The following FSTL5 variants were observed in gnomAD, a reference collection of about 807,000 sequenced individuals.
FSTL5 encodes the protein follistatin like 5, also known as follistatin-related protein 5.
FSTL5 carries 62 observed loss-of-function variants against 89.1 expected under a neutral mutation model. The ratio of observed to expected loss-of-function variants is 0.70; its 90% CI spans 0.57 to 0.86. FSTL5 has a LOEUF of 0.86. Among genes scored for constraint, FSTL5 ranks in the 40% least tolerant of loss-of-function variants. FSTL5 has a pLI of 0.00. For missense variants in FSTL5, 1,057 were observed against 1,001.6 expected (o/e 1.06, Z -0.75); for synonymous variants, 383 against 346.2 (o/e 1.11, Z -1.18).
chr4:161,748,605 CGTTT>C (rs1231401585), intron 6 of FSTL5, among the ~76,000 whole-genome samples: 11 of 105,224 alleles, frequency 1.0e-4, no homozygotes, highest in African/African-American at 4.1e-4. Context: ...AGGGGAAGCA[CGTTT>C]TTTTTTTTTT....
At chr4:161,898,608 T>C (rs1579177875) in intron 4 of FSTL5, among the ~76,000 whole-genome samples, 1 of 151,894 alleles carries the variant, frequency 6.6e-6, no homozygotes, top group East Asian at 1.9e-4. Context: ...TTCATAAATA[T>C]ATTTGGCATC....
chr4:161,829,348 A>T (rs1357199755), intron 4 of FSTL5, among the ~76,000 whole-genome samples: 1 of 151,510 alleles, frequency 6.6e-6, no homozygotes, highest in Non-Finnish European at 1.5e-5. Context: ...AAAGAAAAAA[A>T]ATGAAGTAAT....
At chr4:161,695,710 C>G (rs1295203957) in intron 6 of FSTL5, among the ~76,000 whole-genome samples, 1 of 151,888 alleles carries the variant, frequency 6.6e-6, no homozygotes, top group Non-Finnish European at 1.5e-5. Context: ...TTTCCCTGAT[C>G]ATTAGTGATG....
chr4:162,063,959 T>C (rs1738803999), intron 2 of FSTL5, among the ~76,000 whole-genome samples: 1 of 152,022 alleles, frequency 6.6e-6, no homozygotes. Context: ...CTGGTATAGA[T>C]GATTTAAAAA....
At chr4:161,485,516 C>T (rs1445168807) in intron 12 of FSTL5, among the ~76,000 whole-genome samples, 1 of 151,774 alleles carries the variant, frequency 6.6e-6, no homozygotes, top group African/African-American at 2.4e-5. Context: ...TAATATAGAA[C>T]AAAAAAGTAT....
At chr4:161,684,390 C>A (rs115835624) in intron 6 of FSTL5, among the ~76,000 whole-genome samples, 2,303 of 152,230 alleles carry the variant, frequency 0.015, 50 homozygotes, top group African/African-American at 0.052. Flanking sequence ...TACATTCCCA[C>A]CGGCAGTTGA....
chr4:161,681,633 A>G (rs1267175698), intron 6 of FSTL5, among the ~76,000 whole-genome samples: 5 of 152,082 alleles, frequency 3.3e-5, no homozygotes, highest in Non-Finnish European at 7.4e-5. Context: ...ATTGTAAGGA[A>G]TATATATAGT....
Position 162,125,143 on chromosome 4 carries a change from C to T in FSTL5, c.-16-13731G>A, listed in dbSNP as rs78029979. 3.3e-5 allele frequency among the ~76,000 whole-genome samples: 5 copies of T among 152,240 alleles called. No homozygotes were observed. In the East Asian group the frequency reaches 7.7e-4, roughly 24 times the overall value. ...CAAGTAGGGCCGTTAGCCCAGGGGA[C>T]ACAGCTTTCTATCAATTTTGGTTTC... On this transcript the variant is annotated intron_variant, in intron 1 of 15. Transcript: ENST00000306100.
At chr4:162,099,686 C>T (rs895522123) in intron 2 of FSTL5, among the ~76,000 whole-genome samples, 3 of 152,118 alleles carry the variant, frequency 2.0e-5, no homozygotes, top group Non-Finnish European at 2.9e-5. Flanking sequence ...TGATAAAGGA[C>T]TGTTATCCAA....
chr4:162,135,058 T>G (rs1732470961), intron 1 of FSTL5, among the ~76,000 whole-genome samples: 1 of 152,166 alleles, frequency 6.6e-6, no homozygotes, highest in South Asian at 2.1e-4. Context: ...AGCTCTTAGT[T>G]TGGTAAATGT....
chr4:161,389,503 C>A (rs1410516421), intron 15 of FSTL5, among the ~76,000 whole-genome samples: 2 of 152,112 alleles, frequency 1.3e-5, no homozygotes, highest in African/African-American at 2.4e-5. Flanking sequence ...ACTTTAATTA[C>A]TGCTTTTATG....
At chr4:162,131,204 T>C (rs1401099254) in intron 1 of FSTL5, among the ~76,000 whole-genome samples, 4 of 152,316 alleles carry the variant, frequency 2.6e-5, no homozygotes, top group Non-Finnish European at 4.4e-5. Flanking sequence ...TTAAATTGAA[T>C]AGAATTAGAA....
intron 8 of FSTL5, among the ~76,000 whole-genome samples, chr4:161,586,319 A>G (rs1278711911): frequency 6.6e-6 from 1 of 152,176 alleles, no homozygotes; most frequent in African/African-American, 2.4e-5. Flanking sequence ...TGACATTTTC[A>G]TCGATAATAT....
intron 10 of FSTL5, among the ~76,000 whole-genome samples, chr4:161,535,536 T>C (rs1731576203): frequency 6.6e-6 from 1 of 152,104 alleles, no homozygotes. Context: ...TGCTATGAGA[T>C]ATCATCGCAC....
chr4:161,760,568 A>T (rs1000290294), intron 5 of FSTL5, among the ~76,000 whole-genome samples: 2 of 152,202 alleles, frequency 1.3e-5, no homozygotes, highest in Non-Finnish European at 2.9e-5. Flanking sequence ...AGATTTACAC[A>T]CACACACATG....
chr4:161,721,308 A>AAAAT (rs869094228), intron 6 of FSTL5, among the ~76,000 whole-genome samples: 2 of 137,854 alleles, frequency 1.5e-5, no homozygotes, highest in African/African-American at 5.5e-5. Context: ...AAAAAAAAAA[A>AAAAT]TTTTTCTAAG....
At chr4:161,567,891 G>T (rs901329686) in intron 8 of FSTL5, among the ~76,000 whole-genome samples, 2 of 151,846 alleles carry the variant, frequency 1.3e-5, no homozygotes, top group East Asian at 3.9e-4. Flanking sequence ...TTTCTAAAAC[G>T]ATCTTCCCAT....
intron 4 of FSTL5, among the ~76,000 whole-genome samples, chr4:161,801,518 T>A (rs1438602708): frequency 6.6e-6 from 1 of 151,472 alleles, no homozygotes; most frequent in African/African-American, 2.4e-5. Context: ...CATTCTGTGT[T>A]CCTAATGGGA....
intron 1 of FSTL5, among the ~76,000 whole-genome samples, chr4:162,162,309 G>A (rs939774133): frequency 2.0e-5 from 3 of 151,908 alleles, no homozygotes; most frequent in African/African-American, 7.3e-5. Flanking sequence ...CTTAGTGTAC[G>A]CCTGCTGAAA....
Sources: allele counts gnomAD v4.1 joint callset (sites outside exome capture counted in the v4.1 genomes callset), GRCh38; gene constraint gnomAD v4.1.1; transcripts MANE v1.5; gene names NCBI Gene and HGNC (gene_info 2026-07-23, HGNC 2026-07-21).